Variants in PITPNC1 observed in about 807,000 individuals in gnomAD.
The protein encoded by PITPNC1 is cytoplasmic phosphatidylinositol transfer protein 1.
Under a neutral mutation model 44.7 loss-of-function variants are expected in PITPNC1, and 18 were observed. The ratio of observed to expected loss-of-function variants is 0.40; its 90% CI spans 0.28 to 0.60. PITPNC1 has a LOEUF of 0.60. Among genes scored for constraint, PITPNC1 ranks in the 20% least tolerant of loss-of-function variants. The pLI is 0.39. For missense variants in PITPNC1, 290 were observed against 418.4 expected (o/e 0.69, Z 2.68); for synonymous variants, 141 against 149.6 (o/e 0.94, Z 0.42).
chr17:67,580,524 A>G (rs72848176), intron 5 of PITPNC1, among the ~76,000 whole-genome samples: 13,288 of 151,944 alleles, frequency 0.087, 961 homozygotes, highest in East Asian at 0.43. Flanking sequence ...TGTTTTTTTT[A>G]GAGACGTGGT....
chr17:67,446,646 AT>A (rs1368002938), intron 1 of PITPNC1, among the ~76,000 whole-genome samples: 2 of 151,854 alleles, frequency 1.3e-5, no homozygotes, highest in Non-Finnish European at 2.9e-5. Context: ...AGGGTTGACT[AT>A]TTGTGCAGGT....
chr17:67,488,524 G>T (rs770161678), intron 1 of PITPNC1, among the ~76,000 whole-genome samples: 1 of 152,208 alleles, frequency 6.6e-6, no homozygotes, highest in Non-Finnish European at 1.5e-5. Context: ...ATGCCTGAGC[G>T]AACGAAGGAA....
chr17:67,529,351 C>T (rs1195006067), intron 1 of PITPNC1, among the ~76,000 whole-genome samples: 3 of 152,116 alleles, frequency 2.0e-5, no homozygotes, highest in Non-Finnish European at 2.9e-5. Flanking sequence ...GAAGATGGTC[C>T]AGTGGTGGAA....
intron 6 of PITPNC1, among the ~76,000 whole-genome samples, chr17:67,650,291 G>A (rs1049221116): frequency 2.6e-5 from 4 of 152,072 alleles, no homozygotes; most frequent in Non-Finnish European, 4.4e-5. Context: ...ACTCTGGTAC[G>A]GAGCAAGCAC....
Position 67,486,744 on chromosome 17 carries a change from A to G in PITPNC1, c.49-46058A>G, listed in dbSNP as rs186507550. Among the ~76,000 whole-genome samples, 314 of 152,274 alleles carry G rather than the reference A, an allele frequency of 2.1e-3. 6 individuals carry two copies. In the South Asian group the frequency reaches 0.029, roughly 14 times the overall value. On this transcript the variant is annotated intron_variant, in intron 1 of 8. Coordinates refer to ENST00000581322, the MANE Select transcript of PITPNC1 (RefSeq NM_012417.4). ...TGCATTTAGGGCGGTGAGAGCAGAC[A>G]GTTAGGGGCATCCAGGAAACCTCCT...
intron 1 of PITPNC1, among the ~76,000 whole-genome samples, chr17:67,446,949 G>A (rs2039104497): frequency 6.6e-6 from 1 of 151,730 alleles, no homozygotes; most frequent in Non-Finnish European, 1.5e-5. Context: ...AATTAGCCAA[G>A]TATGGTGGCG....
chr17:67,415,990 C>G (rs1431015581), intron 1 of PITPNC1, among the ~76,000 whole-genome samples: 1 of 151,512 alleles, frequency 6.6e-6, no homozygotes, highest in African/African-American at 2.4e-5. Flanking sequence ...CTTCTTTGTT[C>G]GTTAGGTTGA....
At chr17:67,503,387 C>T (rs533271942) in intron 1 of PITPNC1, among the ~76,000 whole-genome samples, 16 of 152,286 alleles carry the variant, frequency 1.1e-4, no homozygotes, top group Non-Finnish European at 1.6e-4. Flanking sequence ...AGGTGACTCA[C>T]TCTGGGTCAC....
At chr17:67,517,091 C>A (rs1465141033) in intron 1 of PITPNC1, among the ~76,000 whole-genome samples, 3 of 152,336 alleles carry the variant, frequency 2.0e-5, no homozygotes, top group African/African-American at 7.2e-5. Context: ...AAGTTCAGCT[C>A]TTCATTGTCC....
chr17:67,525,463 A>G (rs891438809), intron 1 of PITPNC1: 5 of 152,244 alleles, frequency 3.3e-5, no homozygotes, highest in African/African-American at 1.2e-4. Context: ...TGCTTTGCCA[A>G]CCATTAGACT....
intron 1 of PITPNC1, among the ~76,000 whole-genome samples, chr17:67,434,275 A>G (rs758140983): frequency 3.9e-5 from 6 of 152,198 alleles, no homozygotes; most frequent in Non-Finnish European, 5.9e-5. Flanking sequence ...CAAGATTACC[A>G]GAAACTACTT....
At chr17:67,562,721 C>G (rs2037848629) in intron 4 of PITPNC1, among the ~76,000 whole-genome samples, 1 of 152,152 alleles carries the variant, frequency 6.6e-6, no homozygotes, top group African/African-American at 2.4e-5. Flanking sequence ...TCCTTTGCAT[C>G]TTTGCCTGTA....
Position 67,645,343 on chromosome 17 carries a change from GAAAAAAA to G in PITPNC1, c.462+13118_462+13124del, listed in dbSNP as rs57827214. 2.2e-4 allele frequency among the ~76,000 whole-genome samples: 18 copies of G among 81,304 alleles called. 1 individual carries two copies. Among genetic ancestry groups the G allele is most frequent in the Admixed American group, 2.2e-3 (15 of 6,888 alleles). The allele number at this position is 81,304 out of a possible 152,430, so 53.3% of individuals were successfully genotyped here. A position where few individuals can be genotyped will look rare whatever the true frequency, so the allele number is the denominator to read the frequency against. On this transcript the variant is annotated intron_variant, in intron 6 of 8. Transcript: ENST00000581322. ...GCAACAAGAGCGAAACTCCATCTCA[GAAAAAAA>G]AAAAAAAAAAAAGAGAAAGTGATTT...
At chr17:67,621,159 A>G (rs983070892) in intron 5 of PITPNC1, among the ~76,000 whole-genome samples, 2 of 129,594 alleles carry the variant, frequency 1.5e-5, no homozygotes, top group African/African-American at 5.5e-5. Flanking sequence ...TTGGACTACT[A>G]GAGTACTCTT....
At chr17:67,393,298 CTG>C (rs1366850978) in intron 1 of PITPNC1, among the ~76,000 whole-genome samples, 1 of 152,086 alleles carries the variant, frequency 6.6e-6, no homozygotes, top group East Asian at 1.9e-4. Context: ...AATTGAAACT[CTG>C]TATCCATTTA....
In PITPNC1 at chr17:67,553,581, CTCT is replaced by C. The variant is rs765817640; in HGVS notation, c.287-23_287-21del. On this transcript the variant is annotated intron_variant, in intron 3 of 8. Coordinates refer to ENST00000581322, the MANE Select transcript of PITPNC1 (RefSeq NM_012417.4). ...ATCTTTTGTCTCTTTTTTCTTTCCT[CTCT>C]TCTTCAAATGAACATGTGGAAACAG... 2.3e-5 allele frequency: 26 copies of C among 1,144,516 alleles called. No individual in the cohort carries two copies. The South Asian group carries it at 2.9e-4, about 13-fold the overall frequency. 70.9% of individuals were successfully genotyped at this position (1,144,516 alleles called of 1,614,324 possible). A position where few individuals can be genotyped will look rare whatever the true frequency, so the allele number is the denominator to read the frequency against.
chr17:67,589,933 A>T (rs1325075067), intron 5 of PITPNC1, among the ~76,000 whole-genome samples: 1 of 152,064 alleles, frequency 6.6e-6, no homozygotes, highest in Admixed American at 6.6e-5. Flanking sequence ...ATACCACTGC[A>T]CTCCAGCCTG....
intron 1 of PITPNC1, among the ~76,000 whole-genome samples, chr17:67,444,213 A>C (rs2039060143): frequency 6.6e-6 from 1 of 152,030 alleles, no homozygotes; most frequent in Non-Finnish European, 1.5e-5. Flanking sequence ...ATAATTATTA[A>C]AGGAAGAACA....
At chr17:67,416,784 C>T (rs956760114) in intron 1 of PITPNC1, among the ~76,000 whole-genome samples, 1 of 152,142 alleles carries the variant, frequency 6.6e-6, no homozygotes, top group Non-Finnish European at 1.5e-5. Flanking sequence ...AAAGGAAATG[C>T]TCACAACATT....
Sources: gnomAD v4.1 joint callset for allele counts (sites outside exome capture counted in the v4.1 genomes callset) on GRCh38, gnomAD v4.1.1 for gene constraint, MANE v1.5 for transcripts, NCBI Gene and HGNC (gene_info 2026-07-23, HGNC 2026-07-21) for gene names.